Variants in MND1 observed in about 807,000 individuals in gnomAD.
MND1 encodes meiotic nuclear divisions 1.
In MND1, 28 loss-of-function variants were observed where a neutral mutation model predicts 35.1. That is an observed-to-expected ratio of 0.80 (90% CI 0.59 to 1.09). The LOEUF (loss-of-function observed/expected upper bound fraction) is 1.09, where lower values mean the gene tolerates loss of function less well. MND1 is among the 50% of genes least tolerant of loss of function. The probability of loss-of-function intolerance (pLI) is 0.00; values close to 1 mark genes in which losing one functional copy is unlikely to be tolerated. For missense variants in MND1, 213 were observed against 239.6 expected (o/e 0.89, Z 0.73); for synonymous variants, 69 against 70.5 (o/e 0.98, Z 0.11).
Position 153,350,973 on chromosome 4 carries a change from AC to A in MND1, c.69+845del, listed in dbSNP as rs1561053574. Among the ~76,000 whole-genome samples the A allele has an allele frequency of 4.5e-3, 679 of 151,588 alleles. 4 individuals carry two copies. Among genetic ancestry groups the A allele is most frequent in the African/African-American group, 0.016 (648 of 41,250 alleles). Reference sequence around the variant, plus strand: ...TAGTAAAAAAAAAAAAAAAAAACAAACAAAATACACGGGATTTGCCCACTAA... The same window carrying A: ...TAGTAAAAAAAAAAAAAAAAAACAAAAAAATACACGGGATTTGCCCACTAA... On this transcript the variant is annotated intron_variant, in intron 2 of 7. Transcript: ENST00000240488.
chr4:153,412,506 G>A (rs1474226223), intron 7 of MND1, among the ~76,000 whole-genome samples: 1 of 144,564 alleles, frequency 6.9e-6, no homozygotes, highest in Non-Finnish European at 1.5e-5. Flanking sequence ...TTTTTGAAAT[G>A]GAGTCTTGAT....
chr4:153,350,835 T>A (rs1773195667), intron 2 of MND1, among the ~76,000 whole-genome samples: 3 of 151,926 alleles, frequency 2.0e-5, no homozygotes. Flanking sequence ...AAAGCCTAGT[T>A]GGCCCCAGTC....
In MND1 at chr4:153,344,708, C is replaced by T. The variant is rs995593437; in HGVS notation, c.-30C>T. ...CCCGCCCCTCTCCCCAAGCGCGGGC[C>T]CGGCCAGCGGAAGCCCCTGCGCCCG... On this transcript the variant is annotated 5_prime_UTR_variant, in exon 1 of 8. Coordinates refer to ENST00000240488, the MANE Select transcript of MND1 (RefSeq NM_032117.4). The T allele has an allele frequency of 5.1e-6, 8 of 1,582,368 alleles. No homozygotes were observed. The Admixed American group carries it at 5.2e-5, about 10-fold the overall frequency.
intron 4 of MND1, among the ~76,000 whole-genome samples, chr4:153,385,209 T>C (rs1474570200): frequency 3.3e-5 from 5 of 152,228 alleles, no homozygotes; most frequent in Non-Finnish European, 5.9e-5. Flanking sequence ...GACACTTTGT[T>C]GTATGTCCCA....
intron 1 of MND1, among the ~76,000 whole-genome samples, chr4:153,345,762 T>C (rs1275959061): frequency 6.6e-6 from 1 of 152,264 alleles, no homozygotes; most frequent in Non-Finnish European, 1.5e-5. Context: ...TTATAAATGA[T>C]AACGGCTTCT....
chr4:153,398,566 C>T (rs189018477), intron 6 of MND1, among the ~76,000 whole-genome samples: 206 of 152,276 alleles, frequency 1.4e-3, no homozygotes, highest in Non-Finnish European at 2.5e-3. Flanking sequence ...GAGTACATAG[C>T]CTAGGTGGTG....
intron 4 of MND1, among the ~76,000 whole-genome samples, chr4:153,390,831 AAAAAC>A (rs1400174863): frequency 3.3e-5 from 5 of 152,024 alleles, no homozygotes; most frequent in African/African-American, 7.2e-5. Context: ...CCCTGTCTCA[AAAAAC>A]AAAACAAAAC....
At chr4:153,345,918 G>C (rs1034751431) in intron 1 of MND1, among the ~76,000 whole-genome samples, 24 of 152,108 alleles carry the variant, frequency 1.6e-4, no homozygotes, top group Non-Finnish European at 2.9e-4. Flanking sequence ...TAACTGACTT[G>C]GAGAACTGTG....
At chr4:153,384,084 G>A (rs1373507873) in intron 4 of MND1, among the ~76,000 whole-genome samples, 2 of 152,074 alleles carry the variant, frequency 1.3e-5, no homozygotes, top group Non-Finnish European at 2.9e-5. Flanking sequence ...TTCTGCGTAA[G>A]CCTTTGACTG....
rs995574911 is a variant in MND1, at chr4:153,350,892, G to A, written c.69+763G>A. 6.7e-5 allele frequency among the ~76,000 whole-genome samples: 10 copies of A among 148,928 alleles called. No homozygotes were observed. The South Asian group carries it at 1.1e-3, about 16-fold the overall frequency. Reference sequence around the variant, plus strand: ...ACAAATGTGAAGAAGATGGGGAAAAGTGGTAGAATTGAATATTAAATTGAT... The same window carrying A: ...ACAAATGTGAAGAAGATGGGGAAAAATGGTAGAATTGAATATTAAATTGAT... On this transcript the variant is annotated intron_variant, in intron 2 of 7. Transcript: ENST00000240488.
At chr4:153,354,182 C>T (rs1052591889) in intron 2 of MND1, among the ~76,000 whole-genome samples, 39 of 151,852 alleles carry the variant, frequency 2.6e-4, no homozygotes, top group African/African-American at 2.9e-4. Flanking sequence ...ATATTCTACA[C>T]GCATATTTTC....
At chr4:153,386,694 C>T (rs1216987516) in intron 4 of MND1, among the ~76,000 whole-genome samples, 14 of 152,060 alleles carry the variant, frequency 9.2e-5, no homozygotes, top group African/African-American at 2.9e-4. Context: ...CCAGCTTGGG[C>T]GACAGAGCAA....
At position 153,344,750 on chromosome 4, in the gene MND1, G is replaced by A. The variant is rs755383639; in HGVS notation, c.3+10G>A. 3.1e-6 allele frequency: 5 copies of A among 1,601,602 alleles called. No individual in the cohort carries two copies. Among genetic ancestry groups the A allele is most frequent in the Non-Finnish European group, 4.3e-6 (5 of 1,175,196 alleles). On this transcript the variant is annotated intron_variant, in intron 1 of 7. Coordinates refer to ENST00000240488, the MANE Select transcript of MND1 (RefSeq NM_032117.4). The stretch of plus-strand genomic sequence containing the variant: ...CTGCGCCCGCGCCATGGTAAGGACT[G>A]AGGCTACGGTCCCGCGTCTTCTTCC...
At chr4:153,348,761 T>C (rs975734328) in intron 1 of MND1, among the ~76,000 whole-genome samples, 2 of 152,068 alleles carry the variant, frequency 1.3e-5, no homozygotes, top group Non-Finnish European at 2.9e-5. Flanking sequence ...TCCTCCAGCC[T>C]CAGCCTCCCA....
Position 153,344,748 on chromosome 4 carries a change from C to T in MND1, c.3+8C>T, listed in dbSNP as rs1311272013. On this transcript the variant is annotated splice_region_variant and intron_variant, in intron 1 of 7. Transcript: ENST00000240488. ...CCCTGCGCCCGCGCCATGGTAAGGA[C>T]TGAGGCTACGGTCCCGCGTCTTCTT... 6.2e-7 allele frequency: 1 copy of T among 1,601,586 alleles called. No individual in the cohort carries two copies. The highest frequency in any genetic ancestry group is 8.5e-7 in the Non-Finnish European group (1 of 1,175,240).
rs151145991 is a variant in MND1, at chr4:153,361,672, C to A, written c.276+3050C>A. 6.9e-3 allele frequency: 2,668 copies of A among 385,826 alleles called. 22 individuals carry two copies. Among genetic ancestry groups the A allele is most frequent in the Non-Finnish European group, 9.0e-3 (1,791 of 198,288 alleles). 23.9% of individuals were successfully genotyped at this position (385,826 alleles called of 1,614,324 possible). A position where few individuals can be genotyped will look rare whatever the true frequency, so the allele number is the denominator to read the frequency against. ...GGCTAACACGGTGAAACCCTGTCCA[C>A]TAAAAATACAAAAAAAATAGCCGGG... is the stretch of plus-strand genomic sequence containing the variant. On this transcript the variant is annotated intron_variant, in intron 4 of 7. Coordinates refer to ENST00000240488, the MANE Select transcript of MND1 (RefSeq NM_032117.4).
intron 3 of MND1, among the ~76,000 whole-genome samples, chr4:153,358,104 A>G (rs1281112263): frequency 5.3e-5 from 8 of 152,196 alleles, no homozygotes; most frequent in Non-Finnish European, 1.2e-4. Context: ...GCTATGCACC[A>G]AAGTAAGTAT....
chr4:153,356,911 C>T (rs550466192), intron 3 of MND1, among the ~76,000 whole-genome samples: 2 of 152,244 alleles, frequency 1.3e-5, no homozygotes, highest in East Asian at 3.9e-4. Flanking sequence ...CAACCTCTGT[C>T]TCCCGGGTTC....
chr4:153,396,747 A>T (rs1477845216), intron 5 of MND1, among the ~76,000 whole-genome samples: 1 of 152,114 alleles, frequency 6.6e-6, no homozygotes, highest in Admixed American at 6.5e-5. Flanking sequence ...TTAAATGTAT[A>T]TAAAATATAA....
Sources: allele counts gnomAD v4.1 joint callset (sites outside exome capture counted in the v4.1 genomes callset), GRCh38; gene constraint gnomAD v4.1.1; transcripts MANE v1.5; gene names NCBI Gene and HGNC (gene_info 2026-07-23, HGNC 2026-07-21).